RNLS: variants seen among roughly 807,000 people sequenced by gnomAD.
RNLS encodes renalase.
Under a neutral mutation model 39.8 loss-of-function variants are expected in RNLS, and 39 were observed. The observed-to-expected ratio is 0.98, with a 90% CI of 0.76 to 1.28. The LOEUF (loss-of-function observed/expected upper bound fraction) is 1.28, where lower values mean the gene tolerates loss of function less well. Ranked by LOEUF, RNLS falls within the 50% of genes most tolerant of loss-of-function variation. The pLI is 0.00. For missense variants in RNLS, 410 were observed against 413.3 expected, an observed-to-expected ratio of 0.99 and a Z score of 0.07; for synonymous variants, 147 against 150.7, an observed-to-expected ratio of 0.98 and a Z score of 0.18.
At chr10:88,506,062 CT>C (rs749382996) in intron 4 of RNLS, among the ~76,000 whole-genome samples, 11 of 152,174 alleles carry the variant, frequency 7.2e-5, no homozygotes, top group South Asian at 4.1e-4. Flanking sequence ...CTAGATGGCT[CT>C]GAAATACCCT....
the RNLS span, among the ~76,000 whole-genome samples, chr10:88,207,866 A>G: frequency 2.6e-5 from 4 of 152,088 alleles, no homozygotes; most frequent in South Asian, 2.1e-4. Context: ...CTAGACAACA[A>G]TTCTACCCTT....
chr10:88,483,279 C>T (rs1012940748), intron 4 of RNLS, among the ~76,000 whole-genome samples: 2 of 152,106 alleles, frequency 1.3e-5, no homozygotes, highest in Admixed American at 1.3e-4. Flanking sequence ...TCTGGCTTTA[C>T]AACCCCTTTT....
intron 6 of RNLS, among the ~76,000 whole-genome samples, chr10:88,303,936 C>A (rs1426258898): frequency 4.6e-5 from 7 of 152,210 alleles, no homozygotes; most frequent in Admixed American, 2.0e-4. Flanking sequence ...GAGGCAAGCA[C>A]CCTGGCATCT....
chr10:88,365,076 C>A (rs1849950441), intron 4 of RNLS, among the ~76,000 whole-genome samples: 1 of 152,010 alleles, frequency 6.6e-6, no homozygotes, highest in African/African-American at 2.4e-5. Flanking sequence ...GTAAATCCCA[C>A]TAGGTAGCCC....
At chr10:88,445,474 T>G (rs1471745390) in intron 4 of RNLS, among the ~76,000 whole-genome samples, 1 of 152,166 alleles carries the variant, frequency 6.6e-6, no homozygotes, top group African/African-American at 2.4e-5. Flanking sequence ...AATATTAACC[T>G]TAAATGTAAA....
At chr10:88,506,360 A>G (rs1398554894) in intron 4 of RNLS, among the ~76,000 whole-genome samples, 2 of 152,090 alleles carry the variant, frequency 1.3e-5, no homozygotes, top group Non-Finnish European at 2.9e-5. Context: ...CGGACTTTAT[A>G]TTAGATCACA....
chr10:88,289,261 A>T (rs1843503233), intron 6 of RNLS, among the ~76,000 whole-genome samples: 1 of 152,132 alleles, frequency 6.6e-6, no homozygotes, highest in East Asian at 1.9e-4. Context: ...CATAACCAGG[A>T]TCTTACTTCC....
chr10:88,555,392 T>C (rs1308481758), intron 4 of RNLS, among the ~76,000 whole-genome samples: 1 of 152,084 alleles, frequency 6.6e-6, no homozygotes, highest in Non-Finnish European at 1.5e-5. Flanking sequence ...GGGAGGTGTT[T>C]GGTCATGGGG....
intron 4 of RNLS, among the ~76,000 whole-genome samples, chr10:88,551,324 T>C (rs1488871002): frequency 6.6e-6 from 1 of 152,178 alleles, no homozygotes; most frequent in Non-Finnish European, 1.5e-5. Flanking sequence ...TTTTCAAAAG[T>C]CTAAAGAAAG....
At chr10:88,501,499 A>AGTGT (rs967745552) in intron 4 of RNLS, among the ~76,000 whole-genome samples, 1 of 152,192 alleles carries the variant, frequency 6.6e-6, no homozygotes, top group Non-Finnish European at 1.5e-5. Flanking sequence ...AATTCTCAAT[A>AGTGT]GTGTGGATTC....
chr10:88,187,147 T>TATATATATATTATATATATA, the RNLS span, among the ~76,000 whole-genome samples: 11 of 116,208 alleles, frequency 9.5e-5, no homozygotes, highest in African/African-American at 3.4e-4. Context: ...GCTCAAAAAA[T>TATATATATATTATATATATA]ATATATATAT....
intron 6 of RNLS, among the ~76,000 whole-genome samples, chr10:88,287,249 G>C (rs1466174369): frequency 6.6e-6 from 1 of 152,106 alleles, no homozygotes; most frequent in Non-Finnish European, 1.5e-5. Flanking sequence ...ATACAAAAGT[G>C]AAATATTAAG....
At chr10:88,438,536 C>G (rs572101502) in intron 4 of RNLS, among the ~76,000 whole-genome samples, 1 of 152,262 alleles carries the variant, frequency 6.6e-6, no homozygotes, top group Admixed American at 6.5e-5. Context: ...TTGTTTATTA[C>G]TGTTGTGTAA....
In RNLS at chr10:88,437,878, G is replaced by C. The variant is rs577455440; in HGVS notation, c.527-75153C>G. ...GTGGTGGCTCATGCCTGTAATCTCA[G>C]CACTTTGGGAGGCCGAGGTGGGCAG... On this transcript the variant is annotated intron_variant, in intron 4 of 6. Transcript: ENST00000331772. 5.9e-5 allele frequency among the ~76,000 whole-genome samples: 9 copies of C among 152,210 alleles called. No homozygotes were observed. In the South Asian group the frequency reaches 1.9e-3, roughly 32 times the overall value.
chr10:88,377,006 A>AATT (rs1229731348), intron 4 of RNLS, among the ~76,000 whole-genome samples: 1 of 151,744 alleles, frequency 6.6e-6, no homozygotes, highest in East Asian at 1.9e-4. Context: ...ATTTATTATA[A>AATT]ATTATTCATT....
chr10:88,560,175 G>A (rs1228268667), intron 4 of RNLS, among the ~76,000 whole-genome samples: 5 of 152,132 alleles, frequency 3.3e-5, no homozygotes, highest in Admixed American at 3.3e-4. Context: ...AGGGCAGAGG[G>A]AGGTCAATAA....
rs1057182886 is a variant in RNLS, at chr10:88,396,929, A to G, written c.527-34204T>C. ...AAAAGGGTTAATCCACTAAGAAAAT[A>G]TAACAATAATACACAAATGTGCACC... On this transcript the variant is annotated intron_variant, in intron 4 of 6. Coordinates refer to ENST00000331772, the MANE Select transcript of RNLS (RefSeq NM_001031709.3). 5.9e-5 allele frequency among the ~76,000 whole-genome samples: 9 copies of G among 152,116 alleles called. No individual in the cohort carries two copies. The East Asian group carries it at 1.5e-3, about 26-fold the overall frequency.
intron 5 of RNLS, among the ~76,000 whole-genome samples, chr10:88,330,406 G>T (rs1046570638): frequency 4.6e-5 from 7 of 152,060 alleles, no homozygotes; most frequent in African/African-American, 1.4e-4. Flanking sequence ...TTGTGGTTTG[G>T]CATCTCAGTA....
intron 5 of RNLS, among the ~76,000 whole-genome samples, chr10:88,353,861 C>T (rs909420113): frequency 3.3e-5 from 5 of 152,176 alleles, no homozygotes; most frequent in African/African-American, 1.2e-4. Context: ...CTTTGTAGGT[C>T]TCTAAGGACT....
Sources: gnomAD v4.1 joint callset for allele counts (sites outside exome capture counted in the v4.1 genomes callset) on GRCh38, gnomAD v4.1.1 for gene constraint, MANE v1.5 for transcripts, NCBI Gene and HGNC (gene_info 2026-07-23, HGNC 2026-07-21) for gene names.